TLN1: variants seen among roughly 807,000 people sequenced by gnomAD.
TLN1 encodes the protein talin 1.
TLN1 carries 56 observed loss-of-function variants against 292.3 expected under a neutral mutation model. The observed-to-expected ratio is 0.19, with a 90% CI of 0.15 to 0.24. The LOEUF (loss-of-function observed/expected upper bound fraction) is 0.24, where lower values mean the gene tolerates loss of function less well. Ranked by LOEUF, TLN1 falls within the 10% of genes least tolerant of loss-of-function variation. The pLI, the probability that TLN1 is intolerant of heterozygous loss-of-function variation, is 1.00. For synonymous variants in TLN1, 1,119 were observed against 1,253.7 expected (o/e 0.89, Z 2.27); for missense variants, 2,433 against 3,248.2 (o/e 0.75, Z 6.10).
chr9:35,716,190 TAAAAAAA>T, intron 20 of TLN1, among the ~76,000 whole-genome samples, 193 bp downstream of exon 20: 1 of 112,398 alleles, frequency 8.9e-6, no homozygotes, highest in East Asian at 2.6e-4. Flanking sequence ...ACCACATCTT[TAAAAAAA>T]AAAAAAAAAA....
chr9:35,731,322 C>A (rs1230153690), intron 1 of TLN1, among the ~76,000 whole-genome samples: 1 of 152,182 alleles, frequency 6.6e-6, no homozygotes, highest in Admixed American at 6.5e-5. Context: ...TTCCTGATTC[C>A]CAGTACCGGC....
chr9:35,708,282 C>T, intron 34 of TLN1, 59 bp downstream of exon 34: 1 of 1,521,612 alleles, frequency 6.6e-7, no homozygotes, highest in Non-Finnish European at 8.8e-7. Flanking sequence ...TCCCTCTACT[C>T]CACGGGGTCG....
chr9:35,707,244 C>A lies in TLN1; in HGVS notation c.4783G>T (p.Ala1595Ser). 1 of 1,602,142 alleles carries A rather than the reference C, an allele frequency of 6.2e-7. No individual in the cohort carries two copies. Among genetic ancestry groups the A allele is most frequent in the Non-Finnish European group, 8.5e-7 (1 of 1,171,996 alleles). The part of the protein sequence containing the change: ...PAQISPEGRA[A>S]MEPIVISAKT... ...GCAGAGATCACAATGGGCTCCATGG[C>A]AGCCCGACCCTGGGGAGAGGGGAGG... The change falls in exon 37 of 57, where the codon GCC (alanine) becomes TCC (serine). Residue 1595 changes from alanine to serine, a missense_variant. Ala to Ser is a moderately conservative substitution (Grantham distance 99, BLOSUM62 1). Transcript: ENST00000314888. The surrounding 1 kb of genome is among the most constrained non-coding windows in gnomAD (Gnocchi z 5.6).
chr9:35,727,512 T>C (rs1278041725), intron 1 of TLN1, among the ~76,000 whole-genome samples: 2 of 152,186 alleles, frequency 1.3e-5, no homozygotes, highest in African/African-American at 4.8e-5. Context: ...CACAGCTCTC[T>C]GTCTTTACTC....
In TLN1 at chr9:35,724,575, C is replaced by G; in HGVS notation, c.508G>C (p.Glu170Gln). ...KLKQKLHTDD[E>Q]LNWLDHGRTL... ...TCTTTTTTCTAGTTCTGCTTACACT[C>G]ATCATCTGTGTGCAATTTCTGCTTT... The change falls in exon 5 of 57, where the codon GAG (glutamate) becomes CAG (glutamine). Residue 170 changes from glutamate to glutamine, a missense_variant. Glu to Gln is a conservative substitution (Grantham distance 29, BLOSUM62 2). Around this residue, in one of 7 missense-constraint regions of TLN1, gnomAD observed 155 missense variants for 287.9 expected, o/e 0.54. Coordinates refer to ENST00000314888, the MANE Select transcript of TLN1 (RefSeq NM_006289.4). This position sits in a 1 kb window ranked among gnomAD's most constrained non-coding sequence, Gnocchi z 4.7. The G allele has an allele frequency of 6.2e-7, 1 of 1,613,956 alleles. No homozygotes were observed. The highest frequency in any genetic ancestry group is 8.5e-7 in the Non-Finnish European group (1 of 1,179,970).
At chr9:35,711,864 T>A in intron 28 of TLN1, 72 bp from the exon 29 acceptor site, 1 of 1,603,844 alleles carries the variant, frequency 6.2e-7, no homozygotes, top group Admixed American at 1.7e-5. Context: ...AAAGGAGGGC[T>A]GAAAAGGTGG....
chr9:35,703,918 G>A lies in TLN1; in HGVS notation c.6232-18C>T, dbSNP rs1356695108. The A allele has an allele frequency of 1.2e-6, 2 of 1,614,074 alleles. No homozygotes were observed. The highest frequency in any genetic ancestry group is 2.7e-5 in the African/African-American group (2 of 75,054). On this transcript the variant is annotated intron_variant, in intron 46 of 56. Transcript: ENST00000314888. ...AGTACCACCTGTGTGGGAAAGCGTTGGCTCTGGTCTATGGGAGGAAGAAGC... is the reference window on the plus strand; with the variant it reads ...AGTACCACCTGTGTGGGAAAGCGTTAGCTCTGGTCTATGGGAGGAAGAAGC...
intron 27 of TLN1, 116 bp downstream of exon 27, chr9:35,712,719 C>T: frequency 1.2e-6 from 1 of 861,222 alleles, no homozygotes; most frequent in Middle Eastern, 2.6e-4. Context: ...CAAGAGCAGA[C>T]CCAAGAAGAC....
At chr9:35,718,096 G>A (rs1233616239) in intron 17 of TLN1, among the ~76,000 whole-genome samples, 1 of 152,210 alleles carries the variant, frequency 6.6e-6, no homozygotes, top group East Asian at 1.9e-4. Context: ...GAGGAGGTAG[G>A]AGGTATCTCC....
At chr9:35,729,477 T>C (rs1826031885) in intron 1 of TLN1, among the ~76,000 whole-genome samples, 3 of 152,166 alleles carry the variant, frequency 2.0e-5, no homozygotes, top group Admixed American at 2.0e-4. Context: ...ATGAGGAATT[T>C]TACTTATTGG....
chr9:35,713,971 T>C lies in TLN1; in HGVS notation c.3231A>G (p.Lys1077=). Residue 1077 remains lysine (K), a synonymous_variant, in exon 25 of 57, where the codon AAA becomes AAG. Transcript: ENST00000314888. The part of the protein sequence containing the change: ...VKAAARDGKL[K]PLPGETMEKC... Reference sequence around the variant, plus strand: ...TACTTACTGTCTCCCCAGGTAAGGGTTTAAGCTTGCCATCTCGAGCTGCTG... The same window carrying C: ...TACTTACTGTCTCCCCAGGTAAGGGCTTAAGCTTGCCATCTCGAGCTGCTG... The C allele has an allele frequency of 6.2e-7, 1 of 1,614,048 alleles. No homozygotes were observed. Among genetic ancestry groups the C allele is most frequent in the East Asian group, 2.2e-5 (1 of 44,874 alleles).
chr9:35,728,885 A>C (rs1362177744), intron 1 of TLN1, among the ~76,000 whole-genome samples: 2 of 152,166 alleles, frequency 1.3e-5, no homozygotes, highest in African/African-American at 2.4e-5. Context: ...CCACGAGATG[A>C]GTGAATAAGC....
intron 27 of TLN1, among the ~76,000 whole-genome samples, chr9:35,712,605 G>A (rs1248585038): frequency 7.0e-6 from 1 of 143,722 alleles, no homozygotes; most frequent in African/African-American, 2.6e-5. Context: ...CCGAAATTGC[G>A]CCATTGCACT....
intron 31 of TLN1, 44 bp from the exon 32 acceptor site, chr9:35,710,930 A>G: frequency 1.2e-6 from 2 of 1,613,602 alleles, no homozygotes; most frequent in South Asian, 2.2e-5. Context: ...CACCTCCCTC[A>G]GGCCCAAAAC....
At chr9:35,731,890 A>G (rs1826087213) in intron 1 of TLN1, among the ~76,000 whole-genome samples, 185 bp downstream of exon 1, 1 of 151,780 alleles carries the variant, frequency 6.6e-6, no homozygotes, top group Non-Finnish European at 1.5e-5. Context: ...GACTGCTCCC[A>G]GGAAAGGCCT....
At chr9:35,708,525 G>C in intron 33 of TLN1, 41 bp from the exon 34 acceptor site, 1 of 1,499,604 alleles carries the variant, frequency 6.7e-7, no homozygotes, top group Non-Finnish European at 9.0e-7. Context: ...AATAAAGATT[G>C]CAGGTGGGAA....
At chr9:35,710,240 A>AAG (rs1427548455) in intron 33 of TLN1, among the ~76,000 whole-genome samples, 2 of 151,472 alleles carry the variant, frequency 1.3e-5, no homozygotes, top group Non-Finnish European at 2.9e-5. Flanking sequence ...AAAAAAAAAA[A>AAG]AAAGAAAGTA....
chr9:35,713,869 G>A, intron 25 of TLN1, 84 bp downstream of exon 25: 1 of 1,421,294 alleles, frequency 7.0e-7, no homozygotes. Flanking sequence ...AAGGAAGGAA[G>A]GAAAGGTTTT....
Position 35,712,397 on chromosome 9 carries a change from G to C in TLN1, c.3562-273C>G, listed in dbSNP as rs181321970. The stretch of plus-strand genomic sequence containing the variant: ...ACAGTGGCTCACGCCTGTAATCCCA[G>C]CACTATGGGAGGCCGAGGGGGGCAG... On this transcript the variant is annotated intron_variant, in intron 27 of 56. Coordinates refer to ENST00000314888, the MANE Select transcript of TLN1 (RefSeq NM_006289.4). Among the ~76,000 whole-genome samples, 48 of 152,320 alleles carry C rather than the reference G, an allele frequency of 3.2e-4. No individual in the cohort carries two copies. In the East Asian group the frequency reaches 4.4e-3, roughly 14 times the overall value.
Sources: allele counts gnomAD v4.1 joint callset (sites outside exome capture counted in the v4.1 genomes callset), GRCh38; gene constraint gnomAD v4.1.1; regional missense constraint gnomAD v4.1.1; non-coding constraint Gnocchi (gnomAD v3.1); transcripts MANE v1.5; gene names NCBI Gene and HGNC (gene_info 2026-07-23, HGNC 2026-07-21).